The following GRID2 variants were observed in gnomAD, a reference collection of about 807,000 sequenced individuals.
GRID2 encodes the protein glutamate receptor ionotropic, delta-2.
A neutral mutation model predicts 114.8 loss-of-function variants in GRID2; 33 were observed. That is an observed-to-expected ratio of 0.29 (90% CI 0.22 to 0.38). GRID2 has a LOEUF of 0.38. Ranked by LOEUF, GRID2 falls within the 10% of genes least tolerant of loss-of-function variation. The pLI is 1.00. For synonymous variants in GRID2, 505 were observed against 449.9 expected, an observed-to-expected ratio of 1.12 and a Z score of -1.55; for missense variants, 1,184 against 1,257.7, an observed-to-expected ratio of 0.94 and a Z score of 0.89.
At chr4:92,466,785 AAATG>A (rs1721772266) in intron 1 of GRID2, among the ~76,000 whole-genome samples, 2 of 151,752 alleles carry the variant, frequency 1.3e-5, no homozygotes, top group Non-Finnish European at 2.9e-5. Flanking sequence ...ATTGTTAGGT[AAATG>A]AATATATATC....
At position 93,188,055 on chromosome 4, in the gene GRID2, A is replaced by G. The variant is rs555470658; in HGVS notation, c.736-19349A>G. On this transcript the variant is annotated intron_variant, in intron 4 of 15. Coordinates refer to ENST00000282020, the MANE Select transcript of GRID2 (RefSeq NM_001510.4). ...CTCACAGGGTTTGCGGAATGCAACC[A>G]GTATTGCAGCTCTCACAGGTTAGAC... is the stretch of plus-strand genomic sequence containing the variant. 3.3e-5 allele frequency among the ~76,000 whole-genome samples: 5 copies of G among 152,354 alleles called. No individual in the cohort carries two copies. The East Asian group carries it at 9.7e-4, about 29-fold the overall frequency.
At chr4:93,685,060 T>C (rs1299241926) in intron 14 of GRID2, among the ~76,000 whole-genome samples, 1 of 151,848 alleles carries the variant, frequency 6.6e-6, no homozygotes, top group Non-Finnish European at 1.5e-5. Context: ...GAATAACAAA[T>C]AACAGTTTAT....
At chr4:93,364,668 A>G (rs527958684) in intron 8 of GRID2, among the ~76,000 whole-genome samples, 1 of 152,100 alleles carries the variant, frequency 6.6e-6, no homozygotes, top group East Asian at 1.9e-4. Flanking sequence ...TTGTAGAGAT[A>G]GGGTTTTGAT....
intron 5 of GRID2, among the ~76,000 whole-genome samples, chr4:93,216,299 T>C (rs1031665637): frequency 6.6e-6 from 1 of 152,038 alleles, no homozygotes; most frequent in South Asian, 2.1e-4. Context: ...TGTGCGTATG[T>C]ATGCATGCGT....
At chr4:93,069,443 T>C (rs1353630365) in intron 2 of GRID2, among the ~76,000 whole-genome samples, 3 of 151,962 alleles carry the variant, frequency 2.0e-5, no homozygotes, top group African/African-American at 7.2e-5. Context: ...ATATTATAAA[T>C]AGATTTCATC....
In GRID2 at chr4:93,163,386, A is replaced by ACACAC. The variant is rs1560941795; in HGVS notation, c.736-44018_736-44017insCACAC. On this transcript the variant is annotated intron_variant, in intron 4 of 15. Transcript: ENST00000282020. The stretch of plus-strand genomic sequence containing the variant: ...TATATATATATATATATATATATAT[A>ACACAC]TATATATATATATACACTATATATA... Among the ~76,000 whole-genome samples the ACACAC allele has an allele frequency of 1.8e-3, 83 of 45,284 alleles. 6 individuals carry two copies. In the East Asian group the frequency reaches 0.022, roughly 12 times the overall value. The allele number at this position is 45,284 out of a possible 152,430, so 29.7% of individuals were successfully genotyped here. A position where few individuals can be genotyped will look rare whatever the true frequency, so the allele number is the denominator to read the frequency against.
At chr4:93,031,245 C>T (rs1431408280) in intron 2 of GRID2, among the ~76,000 whole-genome samples, 2 of 151,902 alleles carry the variant, frequency 1.3e-5, no homozygotes, top group African/African-American at 2.4e-5. Flanking sequence ...TGGGTTTCAC[C>T]ATATTGGCCA....
intron 1 of GRID2, among the ~76,000 whole-genome samples, chr4:92,370,430 T>C (rs1729066014): frequency 6.6e-6 from 1 of 151,966 alleles, no homozygotes; most frequent in South Asian, 2.1e-4. Context: ...GGCGGGCGGA[T>C]CACGAGGTCA....
chr4:93,751,507 A>C (rs1732315853), intron 14 of GRID2, among the ~76,000 whole-genome samples: 1 of 152,112 alleles, frequency 6.6e-6, no homozygotes, highest in African/African-American at 2.4e-5. Flanking sequence ...CTTGGGGGGA[A>C]ATGCTCCTGT....
At chr4:92,890,430 C>A (rs1214032001) in intron 2 of GRID2, among the ~76,000 whole-genome samples, 1 of 151,818 alleles carries the variant, frequency 6.6e-6, no homozygotes, top group African/African-American at 2.4e-5. Flanking sequence ...GAAAAAACAA[C>A]CCCATTGAAA....
intron 2 of GRID2, among the ~76,000 whole-genome samples, chr4:92,760,325 C>T (rs374846415): frequency 1.3e-5 from 2 of 151,826 alleles, no homozygotes; most frequent in African/African-American, 4.8e-5. Context: ...CCCAGATCTC[C>T]TTTCAGTACT....
At chr4:92,965,721 T>C (rs1213386257) in intron 2 of GRID2, among the ~76,000 whole-genome samples, 1 of 151,876 alleles carries the variant, frequency 6.6e-6, no homozygotes, top group East Asian at 1.9e-4. Context: ...GAAGTCCAAA[T>C]ATAGTATTTT....
rs533942718 is a variant in GRID2 at position 93,607,352 on chromosome 4, G to A, written c.2194-18917G>A. Among the ~76,000 whole-genome samples the A allele has an allele frequency of 1.8e-4, 28 of 152,072 alleles. No homozygotes were observed. The East Asian group carries it at 2.5e-3, about 14-fold the overall frequency. ...CTTTTTAATATTCTGCAAACACATC[G>A]TAGAAATCCTTCCATAGCACCTTGT... On this transcript the variant is annotated intron_variant, in intron 13 of 15. Coordinates refer to ENST00000282020, the MANE Select transcript of GRID2 (RefSeq NM_001510.4).
intron 1 of GRID2, among the ~76,000 whole-genome samples, chr4:92,406,133 G>A (rs1475085933): frequency 3.3e-5 from 5 of 152,058 alleles, no homozygotes; most frequent in Admixed American, 6.6e-5. Flanking sequence ...TTAAGGGTGG[G>A]TCCACATTCC....
At chr4:93,803,948 T>A (rs1233919316) in intron 1 of GRID2, among the ~76,000 whole-genome samples, 5 of 152,134 alleles carry the variant, frequency 3.3e-5, no homozygotes, top group Non-Finnish European at 7.3e-5. Context: ...TTGCCAGGTG[T>A]GTGGCGCTTC....
rs564294096 is a variant in GRID2 at position 93,005,608 on chromosome 4, A to C, written c.245-79387A>C. On this transcript the variant is annotated intron_variant, in intron 2 of 15. Coordinates refer to ENST00000282020, the MANE Select transcript of GRID2 (RefSeq NM_001510.4). The stretch of plus-strand genomic sequence containing the variant: ...AATAAATACTTTTACATGAATGTTC[A>C]TAGTAGCACTATTCAAAATGACCAA... 6.6e-5 allele frequency among the ~76,000 whole-genome samples: 10 copies of C among 152,218 alleles called. 1 individual carries two copies. The East Asian group carries it at 1.9e-3, about 29-fold the overall frequency.
chr4:92,595,076 A>C (rs939042176), intron 2 of GRID2, among the ~76,000 whole-genome samples: 3 of 152,032 alleles, frequency 2.0e-5, no homozygotes, highest in Non-Finnish European at 2.9e-5. Flanking sequence ...TTTAATGACA[A>C]GATTCAGCTA....
chr4:93,595,357 T>A (rs1395815620), intron 13 of GRID2, among the ~76,000 whole-genome samples: 1 of 152,218 alleles, frequency 6.6e-6, no homozygotes, highest in Non-Finnish European at 1.5e-5. Context: ...CATAATCTTT[T>A]CACAACTAGA....
intron 1 of GRID2, among the ~76,000 whole-genome samples, chr4:92,516,996 A>C (rs1392946137): frequency 6.6e-6 from 1 of 151,980 alleles, no homozygotes; most frequent in Admixed American, 6.6e-5. Context: ...GTAAGAAATC[A>C]TACAGAGAGA....
Sources: gnomAD v4.1 joint callset for allele counts (sites outside exome capture counted in the v4.1 genomes callset) on GRCh38, gnomAD v4.1.1 for gene constraint, MANE v1.5 for transcripts, NCBI Gene and HGNC (gene_info 2026-07-23, HGNC 2026-07-21) for gene names.